The following SPMIP6 variants were observed in gnomAD, a reference collection of about 807,000 sequenced individuals.
SPMIP6 encodes the protein sperm microtubule inner protein 6.
At chr9:34,382,530 A>T in the SPMIP6 span, 1 of 541,218 alleles carries the variant, frequency 1.8e-6, no homozygotes, top group South Asian at 2.1e-5. Flanking sequence ...GGTTGCAGTG[A>T]GCCAAGGTTG....
chr9:34,379,742 G>A, the SPMIP6 span: 1 of 1,611,344 alleles, frequency 6.2e-7, no homozygotes, highest in Non-Finnish European at 8.5e-7. The surrounding 1 kb of genome is among the most constrained non-coding windows in gnomAD (Gnocchi z 4.2). Context: ...TCTGGAGAAG[G>A]AGGAAGCCGC....
chr9:34,385,920 T>A, the SPMIP6 span: 1 of 754,158 alleles, frequency 1.3e-6, no homozygotes, highest in Non-Finnish European at 2.1e-6. Context: ...TCAGAGGGAT[T>A]CCCATGCTAG....
the SPMIP6 span, among the ~76,000 whole-genome samples, chr9:34,383,940 A>G: frequency 2.0e-5 from 3 of 152,192 alleles, no homozygotes; most frequent in African/African-American, 2.4e-5. Context: ...TTCACAAATG[A>G]AAATTTGACC....
chr9:34,379,799 C>A, the SPMIP6 span: 1 of 1,310,152 alleles, frequency 7.6e-7, no homozygotes, highest in South Asian at 1.3e-5. The surrounding 1 kb of genome is among the most constrained non-coding windows in gnomAD (Gnocchi z 4.2). Context: ...CCGATTTAGA[C>A]CAAGCCCCTG....
chr9:34,388,649 A>AT, the SPMIP6 span, among the ~76,000 whole-genome samples: 3 of 152,020 alleles, frequency 2.0e-5, no homozygotes, highest in African/African-American at 7.3e-5. Flanking sequence ...GTTACTACTT[A>AT]TTTATCATCT....
chr9:34,389,546 A>G, the SPMIP6 span, among the ~76,000 whole-genome samples: 1 of 151,894 alleles, frequency 6.6e-6, no homozygotes. Flanking sequence ...TGCCCTGCCA[A>G]TTTTTGTATT....
At chr9:34,397,458 A>G in the SPMIP6 span, 1 of 1,609,868 alleles carries the variant, frequency 6.2e-7, no homozygotes, top group Non-Finnish European at 8.5e-7. Context: ...CAGACTGGCC[A>G]TACACTCTGG....
the SPMIP6 span, among the ~76,000 whole-genome samples, chr9:34,388,522 G>A: frequency 6.6e-6 from 1 of 152,136 alleles, no homozygotes; most frequent in Non-Finnish European, 1.5e-5. Flanking sequence ...CAGTTCCAGA[G>A]AAGACTAGGA....
At chr9:34,385,176 G>T in the SPMIP6 span, among the ~76,000 whole-genome samples, 6 of 152,062 alleles carry the variant, frequency 3.9e-5, no homozygotes, top group African/African-American at 1.4e-4. Flanking sequence ...AGGTCAGGTG[G>T]TTGGTGGAGG....
chr9:34,381,106 C>T, the SPMIP6 span: 1 of 1,605,122 alleles, frequency 6.2e-7, no homozygotes, highest in Non-Finnish European at 8.5e-7. This position sits in a 1 kb window ranked among gnomAD's most constrained non-coding sequence, Gnocchi z 4.4. Flanking sequence ...ACAGTGAGTT[C>T]AGCATGTTCA....
chr9:34,389,829 A>G, the SPMIP6 span: 3 of 152,166 alleles, frequency 2.0e-5, no homozygotes, highest in Non-Finnish European at 4.4e-5. Context: ...TTGATGCTAG[A>G]ATGATGTATA....
At chr9:34,380,909 T>G in the SPMIP6 span, 1 of 1,583,156 alleles carries the variant, frequency 6.3e-7, no homozygotes, top group African/African-American at 1.3e-5. Flanking sequence ...TACAGTCGGT[T>G]GCTCCCGGCA....
chr9:34,385,630 G>GCCTTA, the SPMIP6 span: 1 of 1,613,378 alleles, frequency 6.2e-7, no homozygotes, highest in Non-Finnish European at 8.5e-7. Context: ...AAAGGGTGAG[G>GCCTTA]CCTTACCTTC....
chr9:34,388,439 A>G, the SPMIP6 span, among the ~76,000 whole-genome samples: 1 of 151,966 alleles, frequency 6.6e-6, no homozygotes. Context: ...GGCGTGAGCC[A>G]CCTCACCTGG....
the SPMIP6 span, chr9:34,379,923 C>G: frequency 3.6e-6 from 2 of 559,864 alleles, no homozygotes; most frequent in African/African-American, 3.8e-5. The surrounding 1 kb of genome is among the most constrained non-coding windows in gnomAD (Gnocchi z 4.2). Context: ...AAGACTCCCT[C>G]CCGGCAAGGC....
chr9:34,384,301 T>TGGA, the SPMIP6 span, among the ~76,000 whole-genome samples: 1 of 152,172 alleles, frequency 6.6e-6, no homozygotes, highest in African/African-American at 2.4e-5. Context: ...CAAATGGCCT[T>TGGA]GGAGGAGGAG....
the SPMIP6 span, among the ~76,000 whole-genome samples, chr9:34,394,464 T>G: frequency 6.6e-6 from 1 of 152,202 alleles, no homozygotes; most frequent in African/African-American, 2.4e-5. Context: ...CCAATTATTC[T>G]ATATTATTTA....
At chr9:34,386,283 G>A in the SPMIP6 span, among the ~76,000 whole-genome samples, 2 of 152,116 alleles carry the variant, frequency 1.3e-5, no homozygotes, top group Non-Finnish European at 2.9e-5. Flanking sequence ...GGACAGTGCT[G>A]GAGGGGCACC....
chr9:34,392,428 A>T, the SPMIP6 span, among the ~76,000 whole-genome samples: 1 of 143,904 alleles, frequency 6.9e-6, no homozygotes, highest in Non-Finnish European at 1.5e-5. The surrounding 1 kb of genome is among the most constrained non-coding windows in gnomAD (Gnocchi z 4.6). Context: ...TTATGTGGTG[A>T]TCCATCTAAA....
Sources: allele counts gnomAD v4.1 joint callset (sites outside exome capture counted in the v4.1 genomes callset), GRCh38; gene constraint gnomAD v4.1.1; non-coding constraint Gnocchi (gnomAD v3.1); transcripts MANE v1.5; gene names NCBI Gene and HGNC (gene_info 2026-07-23, HGNC 2026-07-21).